The following LRP10 variants were observed in gnomAD, a reference collection of about 807,000 sequenced individuals.
LRP10 encodes the protein low-density lipoprotein receptor-related protein 10.
LRP10 carries 42 observed loss-of-function variants against 58.5 expected under a neutral mutation model. That is an observed-to-expected ratio of 0.72 (90% CI 0.56 to 0.93). LRP10 has a LOEUF of 0.93. Among genes scored for constraint, LRP10 ranks in the 40% least tolerant of loss-of-function variants. The pLI is 0.00. For synonymous variants in LRP10, 377 were observed against 388.5 expected (o/e 0.97, Z 0.35); for missense variants, 872 against 940.1 (o/e 0.93, Z 0.95).
At position 22,877,749 on chromosome 14, in the gene LRP10, C is replaced by G. The variant is rs563843796; in HGVS notation, c.*222C>G. The G allele has an allele frequency of 7.8e-4, 364 of 464,092 alleles. 2 individuals carry two copies. The highest frequency in any genetic ancestry group is 6.8e-3 in the African/African-American group (341 of 50,228). 28.7% of individuals were successfully genotyped at this position (464,092 alleles called of 1,614,324 possible). Reference sequence around the variant, plus strand: ...AGTCTCCTCTGTACGTGGCCATGGCCAGACACCCCAGTCCCTTCACCACCA... The same window carrying G: ...AGTCTCCTCTGTACGTGGCCATGGCGAGACACCCCAGTCCCTTCACCACCA... On this transcript the variant is annotated 3_prime_UTR_variant, in exon 7 of 7. Transcript: ENST00000359591. The surrounding 1 kb of genome is among the most constrained non-coding windows in gnomAD (Gnocchi z 5.1).
In LRP10 at chr14:22,875,557, C is replaced by G; in HGVS notation, c.609C>G (p.Phe203Leu). ...NVTLEDFYGV[F>L]SSPGYTHLAS... ...CCTTGGAGGACTTCTATGGGGTCTT[C>G]TCCTCTCCTGGATATACACACCTAG... is the stretch of plus-strand genomic sequence containing the variant. The change falls in exon 5 of 7, where the codon TTC becomes TTG. Residue 203 changes from phenylalanine (F) to leucine (L), a missense_variant. Coordinates refer to ENST00000359591, the MANE Select transcript of LRP10 (RefSeq NM_014045.5). The G allele has an allele frequency of 6.2e-7, 1 of 1,614,082 alleles. No homozygotes were observed. Among genetic ancestry groups the G allele is most frequent in the Non-Finnish European group, 8.5e-7 (1 of 1,179,934 alleles).
intron 4 of LRP10, 36 bp downstream of exon 4, chr14:22,875,281 GA>G (rs751798908): frequency 6.3e-7 from 1 of 1,580,480 alleles, no homozygotes; most frequent in Non-Finnish European, 8.6e-7. Flanking sequence ...AGCAGGCAGT[GA>G]AAGCCCCAGG....
Position 22,871,749 on chromosome 14 carries a change from G to A in LRP10, c.-555G>A, listed in dbSNP as rs955139819. 7 of 172,168 alleles carry A rather than the reference G, an allele frequency of 4.1e-5. No homozygotes were observed. The highest frequency in any genetic ancestry group is 8.8e-5 in the Non-Finnish European group (7 of 79,856). The allele number at this position is 172,168 out of a possible 1,614,324, so 10.7% of individuals were successfully genotyped here. A position where few individuals can be genotyped will look rare whatever the true frequency, so the allele number is the denominator to read the frequency against. On this transcript the variant is annotated 5_prime_UTR_variant, in exon 1 of 7. Transcript: ENST00000359591. ...TGGGACCGGGCTTGTCACCCGCCCC[G>A]GCTACTCCAACCCCTGGGCGGGCGG... is the stretch of plus-strand genomic sequence containing the variant.
chr14:22,872,389 C>T lies in LRP10; in HGVS notation c.34+52C>T, dbSNP rs774849689. On this transcript the variant is annotated intron_variant, in intron 1 of 6. Coordinates refer to ENST00000359591, the MANE Select transcript of LRP10 (RefSeq NM_014045.5). ...CAGCCTTCTGTCACCGGGCCAGCAG[C>T]TCTAACTCCCTCCAGTGCGGCCCCG... 1.9e-6 allele frequency: 3 copies of T among 1,605,658 alleles called. No homozygotes were observed. The Admixed American group carries it at 5.0e-5, about 27-fold the overall frequency.
At position 22,881,437 on chromosome 14, in the gene LRP10, A is replaced by G. The variant is rs972769930; in HGVS notation, c.*3910A>G. The G allele has an allele frequency of 5.3e-5, 8 of 152,252 alleles. No individual in the cohort carries two copies. The highest frequency in any genetic ancestry group is 3.3e-4 in the Admixed American group (5 of 15,276). 9.4% of individuals were successfully genotyped at this position (152,252 alleles called of 1,614,324 possible). ...CTGCAATATAATAATTTTCTGCATAACTGAGGATCATTCACAGAAACCAAT... is the reference window on the plus strand; with the variant it reads ...CTGCAATATAATAATTTTCTGCATAGCTGAGGATCATTCACAGAAACCAAT... On this transcript the variant is annotated 3_prime_UTR_variant, in exon 7 of 7. Transcript: ENST00000359591.
At position 22,877,611 on chromosome 14, in the gene LRP10, C is replaced by A; in HGVS notation, c.*84C>A. On this transcript the variant is annotated 3_prime_UTR_variant, in exon 7 of 7. Coordinates refer to ENST00000359591, the MANE Select transcript of LRP10 (RefSeq NM_014045.5). The surrounding 1 kb of genome is among the most constrained non-coding windows in gnomAD (Gnocchi z 5.1). ...ACCTTTTAGAGGTGGGTCAGCCTCC[C>A]CTCCACCACTTCCTTCCCTGTCCCT... is the stretch of plus-strand genomic sequence containing the variant. 9.8e-7 allele frequency: 1 copy of A among 1,022,512 alleles called. No individual in the cohort carries two copies. The highest frequency in any genetic ancestry group is 1.4e-6 in the Non-Finnish European group (1 of 726,522). The allele number at this position is 1,022,512 out of a possible 1,614,324, so 63.3% of individuals were successfully genotyped here.
Position 22,876,683 on chromosome 14 carries a change from T to C in LRP10, c.1425-6T>C. 1.9e-6 allele frequency: 3 copies of C among 1,612,976 alleles called. No homozygotes were observed. Among genetic ancestry groups the C allele is most frequent in the Non-Finnish European group, 2.5e-6 (3 of 1,179,442 alleles). On this transcript the variant is annotated splice_region_variant and splice_polypyrimidine_tract_variant and intron_variant, in intron 5 of 6. Coordinates refer to ENST00000359591, the MANE Select transcript of LRP10 (RefSeq NM_014045.5). ...CCAGTGACTGAGCAGTCCTCATTCCTTCTAGCATCTTTGCCCCCCTCTCCC... is the reference window on the plus strand; with the variant it reads ...CCAGTGACTGAGCAGTCCTCATTCCCTCTAGCATCTTTGCCCCCCTCTCCC...
chr14:22,880,708 A>T lies in LRP10; in HGVS notation c.*3181A>T, dbSNP rs947660318. The T allele has an allele frequency of 1.8e-5, 2 of 111,918 alleles. No individual in the cohort carries two copies. The highest frequency in any genetic ancestry group is 3.4e-5 in the African/African-American group (1 of 29,224). The allele number at this position is 111,918 out of a possible 1,614,324, so 6.9% of individuals were successfully genotyped here. A position where few individuals can be genotyped will look rare whatever the true frequency, so the allele number is the denominator to read the frequency against. On this transcript the variant is annotated 3_prime_UTR_variant, in exon 7 of 7. Transcript: ENST00000359591. ...AGGCTGCAGAAGCACCTAGGTGGTT[A>T]GAGAGTGAGTGCCTGGATGGGGCGC...
At chr14:22,872,700 G>T (rs1303259415) in intron 1 of LRP10, 38 bp from the exon 2 acceptor site, 6 of 1,608,254 alleles carry the variant, frequency 3.7e-6, no homozygotes, top group Non-Finnish European at 5.1e-6. Flanking sequence ...CTCCTAAGGA[G>T]TGTCTCACGC....
In LRP10 at chr14:22,876,061, C is replaced by T. The variant is rs200745048; in HGVS notation, c.1113C>T (p.Ala371=). 6 of 1,613,510 alleles carry T rather than the reference C, an allele frequency of 3.7e-6. No individual in the cohort carries two copies. In the East Asian group the frequency reaches 6.7e-5, roughly 18 times the overall value. Residue 371 remains alanine, a synonymous_variant, in exon 5 of 7, where the codon GCC becomes GCT. Transcript: ENST00000359591. ...FPCGAAGTSG[A]TACYLPADRC... ...GTGGGGCTGCTGGCACCTCTGGTGC[C>T]ACAGCCTGCTACCTGCCTGCTGACC...
chr14:22,874,210 G>A (rs147098531), intron 3 of LRP10, among the ~76,000 whole-genome samples: 129 of 152,338 alleles, frequency 8.5e-4, no homozygotes, highest in Middle Eastern at 3.4e-3. Flanking sequence ...GTACCTGGCT[G>A]TTTGCCTCAC....
At position 22,871,879 on chromosome 14, in the gene LRP10, A is replaced by T. The variant is rs895152432; in HGVS notation, c.-425A>T. 7.2e-5 allele frequency: 17 copies of T among 237,342 alleles called. No homozygotes were observed. In the East Asian group the frequency reaches 2.6e-3, roughly 37 times the overall value. The allele number at this position is 237,342 out of a possible 1,614,324, so 14.7% of individuals were successfully genotyped here. ...GCTGGACGCGCTGGAGGAGTGGAGC[A>T]GCACCCGGCCGGCCCTGGGGGCTGA... is the stretch of plus-strand genomic sequence containing the variant. On this transcript the variant is annotated 5_prime_UTR_variant, in exon 1 of 7. Coordinates refer to ENST00000359591, the MANE Select transcript of LRP10 (RefSeq NM_014045.5).
At chr14:22,872,583 C>T (rs1304950830) in intron 1 of LRP10, among the ~76,000 whole-genome samples, 155 bp from the exon 2 acceptor site, 1 of 152,092 alleles carries the variant, frequency 6.6e-6, no homozygotes, top group African/African-American at 2.4e-5. Flanking sequence ...ACCTTCCTTC[C>T]ATGGAAGTCC....
chr14:22,872,876 A>G, intron 2 of LRP10, 94 bp downstream of exon 2: 1 of 1,319,734 alleles, frequency 7.6e-7, no homozygotes, highest in Non-Finnish European at 1.1e-6. Context: ...GGGACCTACC[A>G]AAGTTTTAGA....
intron 3 of LRP10, 68 bp from the exon 4 acceptor site, chr14:22,874,987 C>T (rs1301243249): frequency 3.3e-6 from 4 of 1,228,302 alleles, no homozygotes; most frequent in Non-Finnish European, 4.4e-6. Context: ...GGCCTGGTGG[C>T]ACCAGGGGAG....
In LRP10 at chr14:22,877,248, C is replaced by T. The variant is rs1399129124; in HGVS notation, c.1863C>T (p.Pro621=). ...EQAPPLPIKA[P]LPSASTSPAP... ...CACCCCCACTGCCCATCAAGGCTCC[C>T]CTCCCATCTGCTAGCACGTCTCCAG... The change falls in exon 7 of 7, where the codon CCC becomes CCT. Residue 621 remains proline, a synonymous_variant. Coordinates refer to ENST00000359591, the MANE Select transcript of LRP10 (RefSeq NM_014045.5). The surrounding 1 kb of genome is among the most constrained non-coding windows in gnomAD (Gnocchi z 5.1). 1 of 1,608,886 alleles carries T rather than the reference C, an allele frequency of 6.2e-7. No individual in the cohort carries two copies. Among genetic ancestry groups the T allele is most frequent in the East Asian group, 2.2e-5 (1 of 44,876 alleles).
chr14:22,875,249 G>A lies in LRP10; in HGVS notation c.406+4G>A, dbSNP rs761577408. 1.9e-6 allele frequency: 3 copies of A among 1,589,344 alleles called. No homozygotes were observed. In the Admixed American group the frequency reaches 5.1e-5, roughly 27 times the overall value. ...TTCCTGCTCTCCTACAGCCAAGGTA[G>A]GCTGGACAGGGATGTCTGAGGAGCA... On this transcript the variant is annotated splice_donor_region_variant and intron_variant, in intron 4 of 6. Coordinates refer to ENST00000359591, the MANE Select transcript of LRP10 (RefSeq NM_014045.5).
Position 22,873,296 on chromosome 14 carries a change from C to G in LRP10, c.80-15C>G. The G allele has an allele frequency of 6.2e-7, 1 of 1,609,390 alleles. No homozygotes were observed. The highest frequency in any genetic ancestry group is 1.1e-5 in the South Asian group (1 of 90,876). On this transcript the variant is annotated splice_polypyrimidine_tract_variant and intron_variant, in intron 2 of 6. Coordinates refer to ENST00000359591, the MANE Select transcript of LRP10 (RefSeq NM_014045.5). The stretch of plus-strand genomic sequence containing the variant: ...GGGGCTGTCTACTACCCGTGTCCTA[C>G]CTTCCTCTCTCCAGCTTGTGAGGAC...
chr14:22,877,027 C>T lies in LRP10; in HGVS notation c.1642C>T (p.Gln548Ter), dbSNP rs2040014554. ...PGGGPGARRR[Q>*]RGRLMRRLVR... ...AGGTGGCCCAGGTGCCCGCCGTCGT[C>T]AGCGGGGCCGCTTGATGCGACGCCT... The change falls in exon 7 of 7, where the codon CAG (glutamine) becomes TAG (stop). Residue 548 changes from glutamine (Q) to a stop codon, truncating the protein, a stop_gained. Transcript: ENST00000359591. LOFTEE classifies it high-confidence loss of function. The surrounding 1 kb of genome is among the most constrained non-coding windows in gnomAD (Gnocchi z 5.1). The T allele has an allele frequency of 6.2e-7, 1 of 1,613,308 alleles. No individual in the cohort carries two copies. The highest frequency in any genetic ancestry group is 8.5e-7 in the Non-Finnish European group (1 of 1,179,670).
Sources: gnomAD v4.1 joint callset for allele counts (sites outside exome capture counted in the v4.1 genomes callset) on GRCh38, gnomAD v4.1.1 for gene constraint, Gnocchi (gnomAD v3.1) non-coding constraint, MANE v1.5 for transcripts, NCBI Gene and HGNC (gene_info 2026-07-23, HGNC 2026-07-21) for gene names.